The following ATPSCKMT variants were observed in gnomAD, a reference collection of about 807,000 sequenced individuals.
ATPSCKMT encodes ATP synthase subunit C lysine N-methyltransferase.
Under a neutral mutation model 24.3 loss-of-function variants are expected in ATPSCKMT, and 24 were observed. The observed-to-expected ratio is 0.99, with a 90% CI of 0.71 to 1.39. The LOEUF (loss-of-function observed/expected upper bound fraction) is 1.39, where lower values mean the gene tolerates loss of function less well. Ranked by LOEUF, ATPSCKMT falls within the 40% of genes most tolerant of loss-of-function variation. The probability of loss-of-function intolerance (pLI) is 0.00; values close to 1 mark genes in which losing one functional copy is unlikely to be tolerated. For synonymous variants in ATPSCKMT, 95 were observed against 110.5 expected (o/e 0.86, Z 0.88); for missense variants, 311 against 298.4 (o/e 1.04, Z -0.31).
intron 1 of ATPSCKMT, among the ~76,000 whole-genome samples, chr5:10,239,601 TTG>T (rs1025942550): frequency 7.2e-5 from 11 of 152,226 alleles, no homozygotes; most frequent in African/African-American, 2.2e-4. Flanking sequence ...TACTGATTTT[TTG>T]TGTGTCTAGG....
chr5:10,229,497 G>A (rs1255230476), intron 4 of ATPSCKMT, among the ~76,000 whole-genome samples: 5 of 152,198 alleles, frequency 3.3e-5, no homozygotes, highest in Non-Finnish European at 7.3e-5. Context: ...GTGGGATCCG[G>A]TGTCTCCATT....
intron 1 of ATPSCKMT, among the ~76,000 whole-genome samples, chr5:10,240,312 C>T (rs1744581581): frequency 6.6e-6 from 1 of 152,160 alleles, no homozygotes; most frequent in Non-Finnish European, 1.5e-5. Flanking sequence ...ACCCCAATCA[C>T]TGATTACAAA....
intron 1 of ATPSCKMT, among the ~76,000 whole-genome samples, chr5:10,243,170 T>G (rs544950091): frequency 6.6e-6 from 1 of 152,230 alleles, no homozygotes; most frequent in African/African-American, 2.4e-5. Flanking sequence ...TAGCTTCCAA[T>G]AGAAGGTTGT....
rs1464430479 is a variant in ATPSCKMT, at chr5:10,230,562, CA to C, written c.496-2916del. Among the ~76,000 whole-genome samples the C allele has an allele frequency of 2.0e-5, 3 of 152,170 alleles. No individual in the cohort carries two copies. The East Asian group carries it at 5.8e-4, about 29-fold the overall frequency. ...ATGCAATGAATCTGGTGCTTGATAT[CA>C]TACGCAAAGAGAAGCCGTGATGTGT... On this transcript the variant is annotated intron_variant, in intron 4 of 4. Transcript: ENST00000511437.
At chr5:10,234,925 A>G (rs1215954754) in intron 4 of ATPSCKMT, among the ~76,000 whole-genome samples, 2 of 152,220 alleles carry the variant, frequency 1.3e-5, no homozygotes, top group African/African-American at 4.8e-5. Flanking sequence ...TGCAAACTAC[A>G]TTAGACACGG....
At chr5:10,249,688 C>G in intron 1 of ATPSCKMT, 170 bp downstream of exon 1, 1 of 1,113,644 alleles carries the variant, frequency 9.0e-7, no homozygotes, top group South Asian at 1.9e-5. Flanking sequence ...GGCGCGGGCA[C>G]CGCGCGGCGA....
At chr5:10,238,612 T>C (rs1744482545) in intron 2 of ATPSCKMT, among the ~76,000 whole-genome samples, 1 of 152,234 alleles carries the variant, frequency 6.6e-6, no homozygotes, top group African/African-American at 2.4e-5. Context: ...AAGACTGATC[T>C]TCGGCTTAGT....
Position 10,236,919 on chromosome 5 carries a change from G to T in ATPSCKMT, c.307-304C>A, listed in dbSNP as rs73741344. On this transcript the variant is annotated intron_variant, in intron 2 of 4. Transcript: ENST00000511437. ...AGGTCAGCCAACCCCCGGGGAGGTC[G>T]AACAAAACATTGCTGAAAATCCACT... 228 of 1,370,820 alleles carry T rather than the reference G, an allele frequency of 1.7e-4. No individual in the cohort carries two copies. The African/African-American group carries it at 3.1e-3, about 18-fold the overall frequency. The allele number at this position is 1,370,820 out of a possible 1,614,324, so 84.9% of individuals were successfully genotyped here. A position where few individuals can be genotyped will look rare whatever the true frequency, so the allele number is the denominator to read the frequency against.
At chr5:10,232,709 GAGA>G (rs1355077003) in intron 4 of ATPSCKMT, among the ~76,000 whole-genome samples, 1 of 152,218 alleles carries the variant, frequency 6.6e-6, no homozygotes, top group East Asian at 1.9e-4. Context: ...AGGGGGCCGA[GAGA>G]AGGACGGAGG....
chr5:10,234,731 A>C (rs1744298483), intron 4 of ATPSCKMT, among the ~76,000 whole-genome samples: 1 of 152,232 alleles, frequency 6.6e-6, no homozygotes, highest in African/African-American at 2.4e-5. Context: ...GAAAGTACAT[A>C]ATCAAAGTTC....
chr5:10,230,661 C>T (rs1365948772), intron 4 of ATPSCKMT, among the ~76,000 whole-genome samples: 1 of 152,134 alleles, frequency 6.6e-6, no homozygotes, highest in Non-Finnish European at 1.5e-5. Context: ...TCATCCTATT[C>T]TAATTACATC....
chr5:10,238,860 C>A (rs1204638647), intron 2 of ATPSCKMT, among the ~76,000 whole-genome samples: 1 of 152,212 alleles, frequency 6.6e-6, no homozygotes, highest in Non-Finnish European at 1.5e-5. Flanking sequence ...TTACAGCACA[C>A]TTCCTCCTTT....
chr5:10,236,365 C>T (rs1744369491), intron 3 of ATPSCKMT, 113 bp downstream of exon 3: 15 of 1,275,726 alleles, frequency 1.2e-5, no homozygotes, highest in Non-Finnish European at 1.5e-5. Flanking sequence ...AGAATATTCA[C>T]TTGGATTTTA....
intron 2 of ATPSCKMT, chr5:10,237,055 T>C: frequency 7.9e-7 from 1 of 1,273,510 alleles, no homozygotes. Flanking sequence ...CAATGAAAAA[T>C]CTGCAATTAG....
rs1331183305 is a variant in ATPSCKMT at position 10,226,822 on chromosome 5, T to C, written c.*619A>G. On this transcript the variant is annotated 3_prime_UTR_variant, in exon 5 of 5. Transcript: ENST00000511437. ...CAGTAAGTCATGGGTCCGAGGCCTC[T>C]TGCTGATGACAAAACTGGAATCTGA... The C allele has an allele frequency of 6.5e-6, 1 of 152,910 alleles. No individual in the cohort carries two copies. The highest frequency in any genetic ancestry group is 2.4e-5 in the African/African-American group (1 of 41,458). The allele number at this position is 152,910 out of a possible 1,614,324, so 9.5% of individuals were successfully genotyped here.
At chr5:10,240,157 C>A (rs1356361066) in intron 1 of ATPSCKMT, among the ~76,000 whole-genome samples, 2 of 151,622 alleles carry the variant, frequency 1.3e-5, no homozygotes, top group Non-Finnish European at 2.9e-5. Flanking sequence ...TGGCATGAAC[C>A]CGGGAGGTGG....
chr5:10,236,587 G>A lies in ATPSCKMT; in HGVS notation c.335C>T (p.Thr112Ile), dbSNP rs752820482. The A allele has an allele frequency of 2.5e-6, 4 of 1,614,094 alleles. No individual in the cohort carries two copies. The highest frequency in any genetic ancestry group is 3.4e-6 in the Non-Finnish European group (4 of 1,180,036). The change falls in exon 3 of 5, where the codon ACA (threonine) becomes ATA (isoleucine). Residue 112 changes from threonine (T) to isoleucine (I), a missense_variant. Thr to Ile is a moderately conservative substitution (Grantham distance 89). Coordinates refer to ENST00000511437, the MANE Select transcript of ATPSCKMT (RefSeq NM_199133.4). ...TGGGTTTAATTCATAACCAACTGCTGTGAACCCTTTCTTCGCAGCCGCTAT... is the reference window on the plus strand; with the variant it reads ...TGGGTTTAATTCATAACCAACTGCTATGAACCCTTTCTTCGCAGCCGCTAT... ...IVIAAAKKGFTAVGYELNPWL... is the reference protein window; with the variant it reads ...IVIAAAKKGFIAVGYELNPWL...
At chr5:10,233,739 A>C (rs1744257168) in intron 4 of ATPSCKMT, among the ~76,000 whole-genome samples, 1 of 152,168 alleles carries the variant, frequency 6.6e-6, no homozygotes, top group Non-Finnish European at 1.5e-5. Flanking sequence ...CAACGCATGG[A>C]ATTTCCAGTA....
intron 1 of ATPSCKMT, among the ~76,000 whole-genome samples, chr5:10,247,215 G>A (rs748563643): frequency 1.3e-5 from 2 of 152,228 alleles, no homozygotes; most frequent in South Asian, 2.1e-4. Context: ...GTCTTGCAAC[G>A]TAACAAACAT....
Sources: allele counts gnomAD v4.1 joint callset (sites outside exome capture counted in the v4.1 genomes callset), GRCh38; gene constraint gnomAD v4.1.1; transcripts MANE v1.5; gene names NCBI Gene and HGNC (gene_info 2026-07-23, HGNC 2026-07-21).